The following PHF5A variants were observed in gnomAD, a reference collection of about 807,000 sequenced individuals.
The protein encoded by PHF5A is PHD finger protein 5A.
For synonymous variants in PHF5A, 52 were observed against 46.0 expected (o/e 1.13, Z -0.52); for missense variants, 24 against 140.6 (o/e 0.17, Z 4.19).
intron 3 of PHF5A, among the ~76,000 whole-genome samples, chr22:41,466,386 C>T (rs1256743844): frequency 6.6e-6 from 1 of 152,210 alleles, no homozygotes; most frequent in Non-Finnish European, 1.5e-5. Flanking sequence ...GGTCCACAAT[C>T]ATTTCTGCAA....
intron 1 of PHF5A, 172 bp downstream of exon 1, chr22:41,468,430 C>T (rs2037893037): frequency 1.4e-6 from 1 of 739,296 alleles, no homozygotes; most frequent in Middle Eastern, 3.1e-4. Context: ...GCACCCCCGC[C>T]CTCTTCTCAT....
At chr22:41,462,890 T>TC (rs1285093866) in intron 3 of PHF5A, among the ~76,000 whole-genome samples, 4 of 151,478 alleles carry the variant, frequency 2.6e-5, no homozygotes, top group African/African-American at 7.3e-5. Flanking sequence ...TTTTTTTTTT[T>TC]CTGAGGTGAA....
At chr22:41,468,246 C>G in intron 1 of PHF5A, 99 bp from the exon 2 acceptor site, 2 of 1,191,830 alleles carry the variant, frequency 1.7e-6, no homozygotes, top group Non-Finnish European at 2.5e-6. Context: ...TGAGTAAGGA[C>G]TGCAGTGAGT....
rs1462009399 is a variant in PHF5A, at chr22:41,467,540, A to G, written c.151T>C (p.Tyr51His). Residue 51 changes from tyrosine (Y) to histidine (H), a missense_variant, in exon 3 of 4, where the codon TAT becomes CAT. Tyr to His is a moderately conservative substitution (Grantham distance 83, BLOSUM62 2). Transcript: ENST00000216252. ...ACACAGCGCCCCTGGTAAGATCCAT[A>G]GTTACACTCATCACATATGCGCACC... ...TLVRICDECNYGSYQGRCVIC... is the reference protein window; with the variant it reads ...TLVRICDECNHGSYQGRCVIC... 1 of 1,614,202 alleles carries G rather than the reference A, an allele frequency of 6.2e-7. No individual in the cohort carries two copies. The highest frequency in any genetic ancestry group is 8.5e-7 in the Non-Finnish European group (1 of 1,180,036).
chr22:41,463,721 T>C (rs1177578079), intron 3 of PHF5A, among the ~76,000 whole-genome samples: 1 of 62,798 alleles, frequency 1.6e-5, no homozygotes, highest in African/African-American at 1.1e-4. Context: ...TAAGACTCTG[T>C]CTCAAAAAAA....
chr22:41,467,708 C>T (rs1249855329), intron 2 of PHF5A, 94 bp from the exon 3 acceptor site: 8 of 1,200,332 alleles, frequency 6.7e-6, no homozygotes, highest in East Asian at 2.4e-5. Context: ...GGGAAATACA[C>T]TAGTCTCCTT....
At chr22:41,460,928 T>A (rs2037822431) in intron 3 of PHF5A, among the ~76,000 whole-genome samples, 1 of 151,746 alleles carries the variant, frequency 6.6e-6, no homozygotes, top group African/African-American at 2.4e-5. Context: ...ATCCCAGCAC[T>A]TTGGGAGGCC....
chr22:41,461,511 A>G (rs986294989), intron 3 of PHF5A, among the ~76,000 whole-genome samples: 3 of 148,310 alleles, frequency 2.0e-5, no homozygotes, highest in African/African-American at 7.5e-5. Flanking sequence ...ACACGCCGCC[A>G]TGCCCGGCTA....
chr22:41,468,609 A>T lies in PHF5A; in HGVS notation c.45T>A (p.Ala15=), dbSNP rs1008830351. 3.7e-6 allele frequency: 6 copies of T among 1,613,924 alleles called. No homozygotes were observed. In the African/African-American group the frequency reaches 8.0e-5, roughly 22 times the overall value. Residue 15 remains alanine, a synonymous_variant, in exon 1 of 4, where the codon GCT becomes GCA. Coordinates refer to ENST00000216252, the MANE Select transcript of PHF5A (RefSeq NM_032758.4). ...HPDLIFCRKQ[A]GVAIGRLCEK... ...GGTAGGGCGCAGTCTCACCAACACCAGCCTGCTTGCGGCAAAAGATCAAAT... is the reference window on the plus strand; with the variant it reads ...GGTAGGGCGCAGTCTCACCAACACCTGCCTGCTTGCGGCAAAAGATCAAAT...
chr22:41,461,639 T>A (rs1471814635), intron 3 of PHF5A, among the ~76,000 whole-genome samples: 1 of 151,680 alleles, frequency 6.6e-6, no homozygotes, highest in African/African-American at 2.4e-5. Flanking sequence ...ATTACAGGCG[T>A]GAGTCACAGT....
At chr22:41,464,452 CTTT>C (rs2037850546) in intron 3 of PHF5A, among the ~76,000 whole-genome samples, 1 of 152,212 alleles carries the variant, frequency 6.6e-6, no homozygotes. Context: ...CACTGGACTT[CTTT>C]GTGTTCCTTG....
At position 41,464,679 on chromosome 22, in the gene PHF5A, A is replaced by G. The variant is rs576468337; in HGVS notation, c.243+2769T>C. ...TTCTCTGGTTGCAAGCTTACGCTAC[A>G]TAAGAACTCTAGCTAGACCCATGCA... On this transcript the variant is annotated intron_variant, in intron 3 of 3. Coordinates refer to ENST00000216252, the MANE Select transcript of PHF5A (RefSeq NM_032758.4). 6.6e-4 allele frequency among the ~76,000 whole-genome samples: 100 copies of G among 152,384 alleles called. 1 individual carries two copies. The highest frequency in any genetic ancestry group is 2.3e-3 in the African/African-American group (96 of 41,596).
At chr22:41,464,457 T>C (rs1046556585) in intron 3 of PHF5A, among the ~76,000 whole-genome samples, 2 of 152,250 alleles carry the variant, frequency 1.3e-5, no homozygotes, top group Non-Finnish European at 2.9e-5. Context: ...GACTTCTTTG[T>C]GTTCCTTGGA....
At chr22:41,461,456 C>G (rs1012993965) in intron 3 of PHF5A, among the ~76,000 whole-genome samples, 1 of 150,612 alleles carries the variant, frequency 6.6e-6, no homozygotes, top group East Asian at 2.0e-4. Context: ...GGCGCGATCT[C>G]GGCTCACTGC....
intron 3 of PHF5A, among the ~76,000 whole-genome samples, chr22:41,462,816 A>C (rs751689986): frequency 3.3e-5 from 5 of 152,076 alleles, no homozygotes; most frequent in Non-Finnish European, 7.4e-5. Flanking sequence ...GAAGGTACCA[A>C]GTAATGGTAT....
chr22:41,462,869 G>A (rs1014071005), intron 3 of PHF5A, among the ~76,000 whole-genome samples: 3 of 151,796 alleles, frequency 2.0e-5, no homozygotes, highest in African/African-American at 7.3e-5. Context: ...TTTACTTACG[G>A]GTTAGCTTTT....
At chr22:41,462,085 C>G (rs1231151224) in intron 3 of PHF5A, among the ~76,000 whole-genome samples, 2 of 152,176 alleles carry the variant, frequency 1.3e-5, no homozygotes, top group African/African-American at 4.8e-5. Context: ...GTTGACAGAC[C>G]ATGCACTAAT....
chr22:41,465,992 A>G (rs1351831718), intron 3 of PHF5A, among the ~76,000 whole-genome samples: 4 of 152,246 alleles, frequency 2.6e-5, no homozygotes, highest in Admixed American at 6.5e-5. Context: ...AATGGGCATC[A>G]TAATAATAAT....
chr22:41,460,898 C>G (rs1432097133), intron 3 of PHF5A, among the ~76,000 whole-genome samples: 1 of 152,038 alleles, frequency 6.6e-6, no homozygotes, highest in Non-Finnish European at 1.5e-5. Context: ...ATAGGCCGGG[C>G]ACGGTGGCTC....
Sources: gnomAD v4.1 joint callset for allele counts (sites outside exome capture counted in the v4.1 genomes callset) on GRCh38, gnomAD v4.1.1 for gene constraint, MANE v1.5 for transcripts, NCBI Gene and HGNC (gene_info 2026-07-23, HGNC 2026-07-21) for gene names.